PCDHGB6: variants seen among roughly 807,000 people sequenced by gnomAD.
PCDHGB6 encodes the protein protocadherin gamma-B6.
In PCDHGB6, 51 loss-of-function variants were observed where a neutral mutation model predicts 59.1. The ratio of observed to expected loss-of-function variants is 0.86; its 90% CI spans 0.69 to 1.09. The LOEUF (loss-of-function observed/expected upper bound fraction) is 1.09. PCDHGB6 is among the 50% of genes least tolerant of loss of function. The pLI, the probability that PCDHGB6 is intolerant of heterozygous loss-of-function variation, is 0.00. For synonymous variants in PCDHGB6, 466 were observed against 495.1 expected (o/e 0.94, Z 0.78); for missense variants, 1,148 against 1,205.1 (o/e 0.95, Z 0.70).
chr5:141,418,360 G>T (rs544948410), intron 1 of PCDHGB6: 4 of 1,613,990 alleles, frequency 2.5e-6, no homozygotes, highest in Non-Finnish European at 3.4e-6. Flanking sequence ...TGAATTCGCT[G>T]AGCAAATACC....
chr5:141,413,748 T>C (rs1264580781), intron 1 of PCDHGB6: 2 of 1,613,288 alleles, frequency 1.2e-6, no homozygotes, highest in Non-Finnish European at 1.7e-6. Context: ...GCCGTGCCAA[T>C]GGCGTCAAGT....
At chr5:141,469,674 A>G (rs532726373) in intron 1 of PCDHGB6, among the ~76,000 whole-genome samples, 23 of 152,380 alleles carry the variant, frequency 1.5e-4, no homozygotes, top group Non-Finnish European at 2.2e-4. Flanking sequence ...TAATAAAACT[A>G]CATATGCATT....
At chr5:141,433,266 T>C in intron 1 of PCDHGB6, 1 of 1,315,306 alleles carries the variant, frequency 7.6e-7, no homozygotes, top group Non-Finnish European at 1.1e-6. Flanking sequence ...CGATCATAGC[T>C]CACTGCAGCC....
At chr5:141,450,815 A>T (rs183350620) in intron 1 of PCDHGB6, among the ~76,000 whole-genome samples, 1,650 of 126,706 alleles carry the variant, frequency 0.013, 15 homozygotes, top group African/African-American at 0.032. Context: ...TATTTATTTA[A>T]TATTATTATT....
At chr5:141,434,136 TC>T (rs2097674430) in intron 1 of PCDHGB6, among the ~76,000 whole-genome samples, 1 of 152,246 alleles carries the variant, frequency 6.6e-6, no homozygotes, top group Non-Finnish European at 1.5e-5. Context: ...TAGGCTGATT[TC>T]TATGTCCTTT....
chr5:141,496,513 G>A (rs1364297990), intron 2 of PCDHGB6, among the ~76,000 whole-genome samples: 1 of 152,140 alleles, frequency 6.6e-6, no homozygotes, highest in Non-Finnish European at 1.5e-5. Context: ...CAAGGACCCA[G>A]GAGCCCTTGG....
At chr5:141,451,557 G>T (rs192150041) in intron 1 of PCDHGB6, among the ~76,000 whole-genome samples, 2 of 152,234 alleles carry the variant, frequency 1.3e-5, no homozygotes, top group East Asian at 3.9e-4. Context: ...TGTGATGAAA[G>T]CCACAATCTT....
Position 141,491,077 on chromosome 5 carries a change from T to TAGGA in PCDHGB6, c.2419-3730_2419-3729insAGGA, listed in dbSNP as rs752090443. 1.2e-6 allele frequency: 2 copies of TAGGA among 1,614,166 alleles called. No homozygotes were observed. Among genetic ancestry groups the TAGGA allele is most frequent in the Admixed American group, 3.3e-5 (2 of 60,014 alleles). On this transcript the variant is annotated intron_variant, in intron 1 of 3. Transcript: ENST00000520790. This position sits in a 1 kb window ranked among gnomAD's most constrained non-coding sequence, Gnocchi z 6.9. The stretch of plus-strand genomic sequence containing the variant: ...GCTCTCCTACTCACTGTTGCCACAG[T>TAGGA]CCACAGCCCCAGGACTGTTCCTCGT...
chr5:141,475,013 G>T (rs950376592), intron 1 of PCDHGB6, among the ~76,000 whole-genome samples: 1 of 152,176 alleles, frequency 6.6e-6, no homozygotes, highest in African/African-American at 2.4e-5. Context: ...AAAAGTTAAG[G>T]CTCTTTATTC....
chr5:141,460,278 G>C (rs1380767218), intron 1 of PCDHGB6, among the ~76,000 whole-genome samples: 1 of 151,964 alleles, frequency 6.6e-6, no homozygotes, highest in African/African-American at 2.4e-5. Context: ...TTCTTTTATA[G>C]TTTGTATTTC....
At position 141,485,122 on chromosome 5, in the gene PCDHGB6, G is replaced by A. The variant is rs1000179570; in HGVS notation, c.2419-9685G>A. The A allele has an allele frequency of 1.4e-6, 2 of 1,387,624 alleles. No individual in the cohort carries two copies. The highest frequency in any genetic ancestry group is 1.4e-5 in the African/African-American group (1 of 70,566). 86.0% of individuals were successfully genotyped at this position (1,387,624 alleles called of 1,614,324 possible). A position where few individuals can be genotyped will look rare whatever the true frequency, so the allele number is the denominator to read the frequency against. Reference sequence around the variant, plus strand: ...CAGCTGCTGTGGCTGTTTGGGGCGGGTCGGCTTCATCCGCGTCTCAGGAGC... The same window carrying A: ...CAGCTGCTGTGGCTGTTTGGGGCGGATCGGCTTCATCCGCGTCTCAGGAGC... On this transcript the variant is annotated intron_variant, in intron 1 of 3. Coordinates refer to ENST00000520790, the MANE Select transcript of PCDHGB6 (RefSeq NM_018926.3). The surrounding 1 kb of genome is among the most constrained non-coding windows in gnomAD (Gnocchi z 5.7).
chr5:141,419,584 C>G, intron 1 of PCDHGB6: 1 of 1,611,800 alleles, frequency 6.2e-7, no homozygotes. Context: ...CCGCGCTCTT[C>G]GACACAGTGC....
At chr5:141,413,118 G>A (rs999214227) in intron 1 of PCDHGB6, 4 of 1,517,034 alleles carry the variant, frequency 2.6e-6, no homozygotes, top group Admixed American at 4.3e-5. Flanking sequence ...CAAAGGAACC[G>A]GTTGAAACAC....
rs1232480024 is a variant in PCDHGB6, at chr5:141,410,304, T to C, written c.2102T>C (p.Val701Ala). The C allele has an allele frequency of 6.2e-7, 1 of 1,614,024 alleles. No individual in the cohort carries two copies. The highest frequency in any genetic ancestry group is 8.5e-7 in the Non-Finnish European group (1 of 1,179,906). The change falls in exon 1 of 4, where the codon GTG (valine) becomes GCG (alanine). Residue 701 changes from valine to alanine, a missense_variant. Physicochemically the swap from Val to Ala is moderately conservative, Grantham distance 64 (BLOSUM62 0). Transcript: ENST00000520790. ...YLVVALALIS[V>A]LFLLAVILAI... ...GTGGTGGCCTTGGCCTTAATCTCAG[T>C]GCTCTTCCTCCTCGCCGTGATTCTG...
At chr5:141,438,290 A>G (rs1043285243) in intron 1 of PCDHGB6, among the ~76,000 whole-genome samples, 5 of 152,074 alleles carry the variant, frequency 3.3e-5, no homozygotes, top group East Asian at 3.9e-4. Flanking sequence ...TTTAATCTGT[A>G]TGTAAAAGAA....
Position 141,408,343 on chromosome 5 carries a change from G to A in PCDHGB6, c.141G>A (p.Val47=), listed in dbSNP as rs780878986. The change falls in exon 1 of 4, where the codon GTG becomes GTA. Residue 47 remains valine (V), a synonymous_variant. Transcript: ENST00000520790. Reference sequence around the variant, plus strand: ...AGGAGCTGGCCAAGGGCTCGGTGGTGGGGAACCTCGCTAAGGATCTAGGGC... The same window carrying A: ...AGGAGCTGGCCAAGGGCTCGGTGGTAGGGAACCTCGCTAAGGATCTAGGGC... The part of the protein sequence containing the change: ...IPEELAKGSV[V]GNLAKDLGLS... The A allele has an allele frequency of 1.9e-6, 3 of 1,613,924 alleles. No individual in the cohort carries two copies. In the South Asian group the frequency reaches 3.3e-5, roughly 18 times the overall value.
chr5:141,475,008 T>C (rs1292437400), intron 1 of PCDHGB6, among the ~76,000 whole-genome samples: 1 of 152,258 alleles, frequency 6.6e-6, no homozygotes, highest in Admixed American at 6.5e-5. Flanking sequence ...TGCAGAAAAG[T>C]TAAGGCTCTT....
At chr5:141,465,983 A>G (rs1219092160) in intron 1 of PCDHGB6, among the ~76,000 whole-genome samples, 1 of 151,944 alleles carries the variant, frequency 6.6e-6, no homozygotes, top group East Asian at 1.9e-4. Context: ...TTAGCCGGGC[A>G]TGGTGGCAGG....
At chr5:141,463,438 CTTTTTTTTTTTTTT>C (rs71576115) in intron 1 of PCDHGB6, among the ~76,000 whole-genome samples, 7 of 103,256 alleles carry the variant, frequency 6.8e-5, no homozygotes, top group Non-Finnish European at 9.4e-5. Flanking sequence ...TTTCCTTCTC[CTTTTTTTTTTTTTT>C]TTTTTTTTTT....
Sources: gnomAD v4.1 joint callset for allele counts (sites outside exome capture counted in the v4.1 genomes callset) on GRCh38, gnomAD v4.1.1 for gene constraint, Gnocchi (gnomAD v3.1) non-coding constraint, MANE v1.5 for transcripts, NCBI Gene and HGNC (gene_info 2026-07-23, HGNC 2026-07-21) for gene names.